ZDHHC11B: variants seen among roughly 807,000 people sequenced by gnomAD.
The protein encoded by ZDHHC11B is zDHHC palmitoyltransferase 11B (putative), also known as probable palmitoyltransferase ZDHHC11B.
A neutral mutation model predicts 42.3 loss-of-function variants in ZDHHC11B; 17 were observed. The ratio of observed to expected loss-of-function variants is 0.40; its 90% CI spans 0.27 to 0.60. The LOEUF (loss-of-function observed/expected upper bound fraction) is 0.60, where lower values mean the gene tolerates loss of function less well. Among genes scored for constraint, ZDHHC11B ranks in the 20% least tolerant of loss-of-function variants. The probability of loss-of-function intolerance (pLI) is 0.41; values close to 1 mark genes in which losing one functional copy is unlikely to be tolerated. For missense variants in ZDHHC11B, 262 were observed against 463.2 expected, an observed-to-expected ratio of 0.57 and a Z score of 3.99; for synonymous variants, 123 against 193.5, an observed-to-expected ratio of 0.64 and a Z score of 3.02.
chr5:730,401 G>A, intron 12 of ZDHHC11B, 33 bp downstream of exon 12: 1 of 1,575,442 alleles, frequency 6.3e-7, no homozygotes, highest in South Asian at 1.2e-5. Context: ...TGTACAGACA[G>A]ATAAAACGTT....
intron 7 of ZDHHC11B, among the ~76,000 whole-genome samples, chr5:748,986 C>T (rs1355539962): frequency 3.0e-5 from 1 of 32,982 alleles, no homozygotes; most frequent in African/African-American, 1.0e-4. Context: ...GGGGTCACAG[C>T]ACCCACCCCT....
At chr5:780,476 TAGCC>T (rs1370752451) in intron 1 of ZDHHC11B, among the ~76,000 whole-genome samples, 2 of 148,886 alleles carry the variant, frequency 1.3e-5, no homozygotes, top group Non-Finnish European at 3.0e-5. Context: ...TGATCCACGT[TAGCC>T]AGCACAGCAG....
chr5:762,838 G>A (rs73730942), intron 4 of ZDHHC11B, among the ~76,000 whole-genome samples: 16,012 of 146,420 alleles, frequency 0.11, 251 homozygotes, highest in African/African-American at 0.16. Flanking sequence ...ATAAAAACAG[G>A]CAAACAATAG....
chr5:711,638 T>G lies in ZDHHC11B; in HGVS notation c.*652A>C, dbSNP rs1289686349. On this transcript the variant is annotated 3_prime_UTR_variant, in exon 14 of 14. Transcript: ENST00000508859. ...GCTCCCATTTCCCAGTGCTGTATACTCCTATCTCCCAGTGCTGTTTGCTCC... is the reference window on the plus strand; with the variant it reads ...GCTCCCATTTCCCAGTGCTGTATACGCCTATCTCCCAGTGCTGTTTGCTCC... The G allele has an allele frequency of 7.3e-6, 1 of 137,854 alleles. No homozygotes were observed. The highest frequency in any genetic ancestry group is 1.5e-5 in the Non-Finnish European group (1 of 65,778). 8.5% of individuals were successfully genotyped at this position (137,854 alleles called of 1,614,324 possible). A position where few individuals can be genotyped will look rare whatever the true frequency, so the allele number is the denominator to read the frequency against.
chr5:748,136 C>T lies in ZDHHC11B; in HGVS notation c.784+268G>A, dbSNP rs1167548600. 6 of 556,990 alleles carry T rather than the reference C, an allele frequency of 1.1e-5. 2 individuals are homozygous for T. Among genetic ancestry groups the T allele is most frequent in the Non-Finnish European group, 1.9e-5 (6 of 322,930 alleles). 34.5% of individuals were successfully genotyped at this position (556,990 alleles called of 1,614,324 possible). ...TTGTTACTTCAAGCACCCGGCAGCGCTCCTGCAGGTCTCAGCGTTGAGTTC... is the reference window on the plus strand; with the variant it reads ...TTGTTACTTCAAGCACCCGGCAGCGTTCCTGCAGGTCTCAGCGTTGAGTTC... On this transcript the variant is annotated intron_variant, in intron 8 of 13. Coordinates refer to ENST00000508859, the MANE Select transcript of ZDHHC11B (RefSeq NM_001351303.2).
rs146390281 is a variant in ZDHHC11B at position 771,326 on chromosome 5, CTGAA to C, written c.-229-2400_-229-2397del. ...AAAAAATCCAGGGGCACTCCCTACA[CTGAA>C]GACCTTAAGGGCCTCAGGCCCCACC... On this transcript the variant is annotated intron_variant, in intron 1 of 13. Transcript: ENST00000508859. Among the ~76,000 whole-genome samples the C allele has an allele frequency of 4.9e-3, 739 of 151,432 alleles. 6 individuals carry two copies. Among genetic ancestry groups the C allele is most frequent in the African/African-American group, 0.017 (697 of 40,952 alleles).
chr5:776,732 G>A (rs1345062583), intron 1 of ZDHHC11B, among the ~76,000 whole-genome samples: 2 of 151,980 alleles, frequency 1.3e-5, no homozygotes, highest in Non-Finnish European at 2.9e-5. Context: ...GGCCTTCTAG[G>A]ACCTGGGAGC....
In ZDHHC11B at chr5:745,197, T is replaced by C. The variant is rs765936278; in HGVS notation, c.886A>G (p.Lys296Glu). The C allele has an allele frequency of 8.3e-5, 127 of 1,523,032 alleles. 4 individuals carry two copies. The highest frequency in any genetic ancestry group is 1.1e-4 in the Non-Finnish European group (123 of 1,106,212). The allele number at this position is 1,523,032 out of a possible 1,614,324, so 94.3% of individuals were successfully genotyped here. A position where few individuals can be genotyped will look rare whatever the true frequency, so the allele number is the denominator to read the frequency against. The change falls in exon 9 of 14, where the codon AAA (lysine) becomes GAA (glutamate). Residue 296 changes from lysine (K) to glutamate (E), a missense_variant. Coordinates refer to ENST00000508859, the MANE Select transcript of ZDHHC11B (RefSeq NM_001351303.2). Reference protein sequence around the residue: ...VRKDPYVQMDKGFLQQGAGAL... With the variant: ...VRKDPYVQMDEGFLQQGAGAL... ...ACAGGTGGTACCTGGAGAAATCCTT[T>C]GTCCATTTGCACGTATGGATCTTTC...
rs200712590 is a variant in ZDHHC11B at position 754,291 on chromosome 5, G to A, written c.503+707C>T. On this transcript the variant is annotated intron_variant, in intron 6 of 13. Coordinates refer to ENST00000508859, the MANE Select transcript of ZDHHC11B (RefSeq NM_001351303.2). ...TCTATGAGCCTCCACCGTGCTCAGGGGAAACACCTCTCGCCTATGAGCCTC... is the reference window on the plus strand; with the variant it reads ...TCTATGAGCCTCCACCGTGCTCAGGAGAAACACCTCTCGCCTATGAGCCTC... Among the ~76,000 whole-genome samples the A allele has an allele frequency of 4.3e-3, 397 of 91,342 alleles. 11 individuals are homozygous for A. The highest frequency in any genetic ancestry group is 0.018 in the East Asian group (21 of 1,138). 59.9% of individuals were successfully genotyped at this position (91,342 alleles called of 152,430 possible).
At chr5:762,867 A>G (rs1364493674) in intron 4 of ZDHHC11B, among the ~76,000 whole-genome samples, 2 of 151,706 alleles carry the variant, frequency 1.3e-5, no homozygotes, top group African/African-American at 4.8e-5. Flanking sequence ...AATAATTAAA[A>G]AGCTGACTCT....
intron 13 of ZDHHC11B, among the ~76,000 whole-genome samples, chr5:715,677 T>C (rs1235796778): frequency 6.6e-6 from 1 of 151,686 alleles, no homozygotes; most frequent in Non-Finnish European, 1.5e-5. Flanking sequence ...AAACGCCTTT[T>C]TTCTAGAGAA....
intron 9 of ZDHHC11B, among the ~76,000 whole-genome samples, chr5:743,277 A>G (rs181038731): frequency 6.7e-6 from 1 of 149,348 alleles, no homozygotes. Flanking sequence ...GTCTCTCTCT[A>G]TGTCAGCGCC....
chr5:718,509 TAAAAATAC>T (rs1457267178), intron 12 of ZDHHC11B, among the ~76,000 whole-genome samples: 1 of 151,384 alleles, frequency 6.6e-6, no homozygotes, highest in African/African-American at 2.4e-5. Context: ...CTGTCTCTAC[TAAAAATAC>T]AAAAATACAA....
Position 733,790 on chromosome 5 carries a change from A to G in ZDHHC11B, c.985T>C (p.Cys329Arg). The G allele has an allele frequency of 6.2e-7, 1 of 1,610,676 alleles. No homozygotes were observed. The highest frequency in any genetic ancestry group is 2.2e-5 in the East Asian group (1 of 44,522). ...LLIYKCPCHF[C>R]TSVNQDGDSK... ...TCCCCGTCCTGGTTTACTGAAGTGC[A>G]GAAGTGACATGGGCATTTGTAAATC... Residue 329 changes from cysteine (C) to arginine (R), a missense_variant, in exon 11 of 14, where the codon TGC becomes CGC. Physicochemically the swap from Cys to Arg is radical, Grantham distance 180 (BLOSUM62 -3). This residue lies in a region of ZDHHC11B where 75 missense variants were observed against 70.1 expected (regional missense o/e 1.07). Coordinates refer to ENST00000508859, the MANE Select transcript of ZDHHC11B (RefSeq NM_001351303.2).
chr5:744,313 T>C (rs6897605), intron 9 of ZDHHC11B, among the ~76,000 whole-genome samples: 97,685 of 147,394 alleles, frequency 0.66, 30,988 homozygotes, highest in Middle Eastern at 0.77. Flanking sequence ...GATAGTGGCA[T>C]TGCTGAATGA....
At chr5:765,724 C>A (rs1378793843) in intron 4 of ZDHHC11B, among the ~76,000 whole-genome samples, 1 of 151,936 alleles carries the variant, frequency 6.6e-6, no homozygotes, top group African/African-American at 2.4e-5. Context: ...TGAAGGTCTG[C>A]AGCTTCATTC....
intron 4 of ZDHHC11B, among the ~76,000 whole-genome samples, chr5:765,967 A>G (rs1220901419): frequency 6.6e-6 from 1 of 151,934 alleles, no homozygotes; most frequent in Non-Finnish European, 1.5e-5. Context: ...TACTTTCAGA[A>G]ATATGGTTCC....
At chr5:763,147 A>G (rs1004650687) in intron 4 of ZDHHC11B, among the ~76,000 whole-genome samples, 3 of 151,874 alleles carry the variant, frequency 2.0e-5, no homozygotes. Context: ...AGGTGGGTGG[A>G]TCACAAGGTC....
intron 11 of ZDHHC11B, among the ~76,000 whole-genome samples, chr5:731,360 G>A (rs1743007453): frequency 6.7e-6 from 1 of 149,602 alleles, no homozygotes; most frequent in Admixed American, 6.7e-5. Flanking sequence ...TGGGATTTCA[G>A]GTGTGAAGCT....
Sources: allele counts gnomAD v4.1 joint callset (sites outside exome capture counted in the v4.1 genomes callset), GRCh38; gene constraint gnomAD v4.1.1; regional missense constraint gnomAD v4.1.1; transcripts MANE v1.5; gene names NCBI Gene and HGNC (gene_info 2026-07-23, HGNC 2026-07-21).